Variants in C1orf74 observed in about 807,000 individuals in gnomAD.
The protein encoded by C1orf74 is UPF0739 protein C1orf74.
A neutral mutation model predicts 7.3 loss-of-function variants in C1orf74; 5 were observed. The ratio of observed to expected loss-of-function variants is 0.68; its 90% CI spans 0.36 to 1.44. The LOEUF (loss-of-function observed/expected upper bound fraction) is 1.44. C1orf74 is among the 40% of genes most tolerant of loss of function. The probability of loss-of-function intolerance (pLI) is 0.04; values close to 1 mark genes in which losing one functional copy is unlikely to be tolerated. For missense variants in C1orf74, 291 were observed against 314.3 expected (o/e 0.93, Z 0.56); for synonymous variants, 121 against 132.5 (o/e 0.91, Z 0.59).
In C1orf74 at chr1:209,779,480, G is replaced by A. The variant is rs1460135587; in HGVS notation, c.*3345C>T. ...CTCCTGGAGTCCCAGCCAGTTCTGG[G>A]AGTCTGTTAAGTCCGGGATGTGTGG... On this transcript the variant is annotated 3_prime_UTR_variant, in exon 2 of 2. Transcript: ENST00000294811. 1 of 974,832 alleles carries A rather than the reference G, an allele frequency of 1.0e-6. No individual in the cohort carries two copies. Among genetic ancestry groups the A allele is most frequent in the Admixed American group, 1.9e-5 (1 of 53,746 alleles). The allele number at this position is 974,832 out of a possible 1,614,324, so 60.4% of individuals were successfully genotyped here.
At position 209,780,744 on chromosome 1, in the gene C1orf74, CT is replaced by C. The variant is rs1017760598; in HGVS notation, c.*2080del. 1.5e-4 allele frequency: 119 copies of C among 798,852 alleles called. 1 individual carries two copies. In the East Asian group the frequency reaches 3.6e-3, roughly 24 times the overall value. 49.5% of individuals were successfully genotyped at this position (798,852 alleles called of 1,614,324 possible). ...ACATTCATTTGCCTACATAAAGTGT[CT>C]GTGCTTTTGGGCTGACTTGTCAATC... On this transcript the variant is annotated 3_prime_UTR_variant, in exon 2 of 2. Transcript: ENST00000294811.
Position 209,781,779 on chromosome 1 carries a change from G to T in C1orf74, c.*1046C>A. 2 of 501,116 alleles carry T rather than the reference G, an allele frequency of 4.0e-6. No homozygotes were observed. Among genetic ancestry groups the T allele is most frequent in the South Asian group, 5.1e-5 (2 of 39,040 alleles). The allele number at this position is 501,116 out of a possible 1,614,324, so 31.0% of individuals were successfully genotyped here. A position where few individuals can be genotyped will look rare whatever the true frequency, so the allele number is the denominator to read the frequency against. On this transcript the variant is annotated 3_prime_UTR_variant, in exon 2 of 2. Coordinates refer to ENST00000294811, the MANE Select transcript of C1orf74 (RefSeq NM_152485.4). ...AAAAGTACTGGGGAATACAAAGAAAGAATATAATTTTGCTGGGTTATTTTC... is the reference window on the plus strand; with the variant it reads ...AAAAGTACTGGGGAATACAAAGAAATAATATAATTTTGCTGGGTTATTTTC...
rs1383551921 is a variant in C1orf74, at chr1:209,782,976, G to C, written c.659C>G (p.Ser220Cys). 2.5e-6 allele frequency: 4 copies of C among 1,614,200 alleles called. No homozygotes were observed. The highest frequency in any genetic ancestry group is 3.4e-6 in the Non-Finnish European group (4 of 1,180,024). Residue 220 changes from serine to cysteine, a missense_variant, in exon 2 of 2, where the codon TCT becomes TGT. Coordinates refer to ENST00000294811, the MANE Select transcript of C1orf74 (RefSeq NM_152485.4). The part of the protein sequence containing the change: ...LLGQPPILLY[S>C]FSVPESLFPG... The stretch of plus-strand genomic sequence containing the variant: ...GAACAAACTCTCTGGGACACTAAAA[G>C]AATAGAGCAGGATTGGGGGTTGACC...
Position 209,781,243 on chromosome 1 carries a change from TA to T in C1orf74, c.*1581del. On this transcript the variant is annotated 3_prime_UTR_variant, in exon 2 of 2. Transcript: ENST00000294811. Reference sequence around the variant, plus strand: ...AATGGCTGGGAAGGGAAGATGGTGGTAAAAATTCCAAATGAGTGAAACTTAC... The same window carrying T: ...AATGGCTGGGAAGGGAAGATGGTGGTAAAATTCCAAATGAGTGAAACTTAC... 2.8e-6 allele frequency: 2 copies of T among 708,824 alleles called. No individual in the cohort carries two copies. The highest frequency in any genetic ancestry group is 4.9e-6 in the Non-Finnish European group (2 of 404,656). 43.9% of individuals were successfully genotyped at this position (708,824 alleles called of 1,614,324 possible).
At position 209,780,902 on chromosome 1, in the gene C1orf74, T is replaced by G. The variant is rs1034150339; in HGVS notation, c.*1923A>C. ...TCAATATGTCGTCCCACATTGAGTATCTTAAGTCTTTATATGTCTCTTAAA... is the reference window on the plus strand; with the variant it reads ...TCAATATGTCGTCCCACATTGAGTAGCTTAAGTCTTTATATGTCTCTTAAA... On this transcript the variant is annotated 3_prime_UTR_variant, in exon 2 of 2. Transcript: ENST00000294811. The G allele has an allele frequency of 4.9e-6, 1 of 204,910 alleles. No individual in the cohort carries two copies. Among genetic ancestry groups the G allele is most frequent in the African/African-American group, 2.3e-5 (1 of 43,064 alleles). The allele number at this position is 204,910 out of a possible 1,614,324, so 12.7% of individuals were successfully genotyped here.
chr1:209,783,340 G>A lies in C1orf74; in HGVS notation c.295C>T (p.His99Tyr). The A allele has an allele frequency of 1.9e-6, 3 of 1,614,196 alleles. No individual in the cohort carries two copies. Among genetic ancestry groups the A allele is most frequent in the Non-Finnish European group, 2.5e-6 (3 of 1,180,038 alleles). Residue 99 changes from histidine (H) to tyrosine (Y), a missense_variant, in exon 2 of 2, where the codon CAT becomes TAT. His to Tyr is a moderately conservative substitution (Grantham distance 83). Coordinates refer to ENST00000294811, the MANE Select transcript of C1orf74 (RefSeq NM_152485.4). ...GENSLIVSPE[H>Y]VCQHLEQVLL... Reference sequence around the variant, plus strand: ...ACCTGCTCCAAGTGCTGACATACATGCTCAGGACTGACAATCAGGCTGTTT... The same window carrying A: ...ACCTGCTCCAAGTGCTGACATACATACTCAGGACTGACAATCAGGCTGTTT...
In C1orf74 at chr1:209,783,756, A is replaced by T. The variant is rs113581859; in HGVS notation, c.-75-47T>A. On this transcript the variant is annotated intron_variant, in intron 1 of 1. Coordinates refer to ENST00000294811, the MANE Select transcript of C1orf74 (RefSeq NM_152485.4). ...GGAATTATTAACAGCCTTCCTGTTA[A>T]ATCGCGGTATCTTCCAAAGGTTATT... 1,504 of 796,348 alleles carry T rather than the reference A, an allele frequency of 1.9e-3. 18 individuals are homozygous for T. In the African/African-American group the frequency reaches 0.023, roughly 12 times the overall value. 49.3% of individuals were successfully genotyped at this position (796,348 alleles called of 1,614,324 possible). A position where few individuals can be genotyped will look rare whatever the true frequency, so the allele number is the denominator to read the frequency against.
In C1orf74 at chr1:209,782,711, T is replaced by G; in HGVS notation, c.*114A>C. 3 of 1,087,536 alleles carry G rather than the reference T, an allele frequency of 2.8e-6. No homozygotes were observed. The highest frequency in any genetic ancestry group is 4.0e-6 in the Non-Finnish European group (3 of 749,998). 67.4% of individuals were successfully genotyped at this position (1,087,536 alleles called of 1,614,324 possible). ...TTTGTGGCCAACTGATCTACAGCAT[T>G]GTGCCTTAGTGTATTCAAGACACTT... On this transcript the variant is annotated 3_prime_UTR_variant, in exon 2 of 2. Transcript: ENST00000294811.
chr1:209,782,927 G>A lies in C1orf74; in HGVS notation c.708C>T (p.Asn236=). 1.2e-6 allele frequency: 2 copies of A among 1,614,166 alleles called. No homozygotes were observed. The highest frequency in any genetic ancestry group is 1.7e-6 in the Non-Finnish European group (2 of 1,180,002). ...GGGTTCTGAGGTCCTTCTCCCAGGTGTTTAGAATGTCCCTCAGGCCTGGGA... is the reference window on the plus strand; with the variant it reads ...GGGTTCTGAGGTCCTTCTCCCAGGTATTTAGAATGTCCCTCAGGCCTGGGA... The part of the protein sequence containing the change: ...SLFPGLRDIL[N]TWEKDLRTRF... The change falls in exon 2 of 2, where the codon AAC becomes AAT. Residue 236 remains asparagine, a synonymous_variant. Transcript: ENST00000294811.
In C1orf74 at chr1:209,782,151, A is replaced by G; in HGVS notation, c.*674T>C. 6.2e-7 allele frequency: 1 copy of G among 1,612,144 alleles called. No homozygotes were observed. The highest frequency in any genetic ancestry group is 8.5e-7 in the Non-Finnish European group (1 of 1,178,132). On this transcript the variant is annotated 3_prime_UTR_variant, in exon 2 of 2. Coordinates refer to ENST00000294811, the MANE Select transcript of C1orf74 (RefSeq NM_152485.4). ...ATAAAGACAACCTGATGATCTGAAT[A>G]ATTTGTGACAACTGCCTTGGGTGAA...
chr1:209,780,252 C>A lies in C1orf74; in HGVS notation c.*2573G>T. ...GACTGGGGATACAAAGAAAAGATCC[C>A]AATCTTGCCCTCAAGGAGCTCAGAT... On this transcript the variant is annotated 3_prime_UTR_variant, in exon 2 of 2. Coordinates refer to ENST00000294811, the MANE Select transcript of C1orf74 (RefSeq NM_152485.4). 2.8e-6 allele frequency: 1 copy of A among 360,772 alleles called. No homozygotes were observed. Among genetic ancestry groups the A allele is most frequent in the East Asian group, 4.3e-5 (1 of 23,296 alleles). The allele number at this position is 360,772 out of a possible 1,614,324, so 22.3% of individuals were successfully genotyped here. A position where few individuals can be genotyped will look rare whatever the true frequency, so the allele number is the denominator to read the frequency against.
Position 209,781,585 on chromosome 1 carries a change from T to G in C1orf74, c.*1240A>C. The G allele has an allele frequency of 1.6e-6, 1 of 631,754 alleles. No homozygotes were observed. Among genetic ancestry groups the G allele is most frequent in the East Asian group, 2.9e-5 (1 of 34,738 alleles). 39.1% of individuals were successfully genotyped at this position (631,754 alleles called of 1,614,324 possible). A position where few individuals can be genotyped will look rare whatever the true frequency, so the allele number is the denominator to read the frequency against. On this transcript the variant is annotated 3_prime_UTR_variant, in exon 2 of 2. Coordinates refer to ENST00000294811, the MANE Select transcript of C1orf74 (RefSeq NM_152485.4). ...CCATCCTGTCCCACTGTGCTTGGTTTATACTATACTGACATTATGGCAACC... is the reference window on the plus strand; with the variant it reads ...CCATCCTGTCCCACTGTGCTTGGTTGATACTATACTGACATTATGGCAACC...
At position 209,782,455 on chromosome 1, in the gene C1orf74, A is replaced by G. The variant is rs2077801098; in HGVS notation, c.*370T>C. On this transcript the variant is annotated 3_prime_UTR_variant, in exon 2 of 2. Transcript: ENST00000294811. Reference sequence around the variant, plus strand: ...GAAAAGCCCCCAGCCCTACTTTCCTAGCATGCAGCACCCACATAGAGCAGG... The same window carrying G: ...GAAAAGCCCCCAGCCCTACTTTCCTGGCATGCAGCACCCACATAGAGCAGG... The G allele has an allele frequency of 2.2e-6, 1 of 462,704 alleles. No individual in the cohort carries two copies. The highest frequency in any genetic ancestry group is 3.9e-6 in the Non-Finnish European group (1 of 255,064). The allele number at this position is 462,704 out of a possible 1,614,324, so 28.7% of individuals were successfully genotyped here.
At chr1:209,784,097 C>G (rs1012986657) in intron 1 of C1orf74, among the ~76,000 whole-genome samples, 5 of 152,158 alleles carry the variant, frequency 3.3e-5, no homozygotes, top group Non-Finnish European at 7.3e-5. Flanking sequence ...CCACTGACAA[C>G]TCCCCTACTC....
chr1:209,780,485 T>C lies in C1orf74; in HGVS notation c.*2340A>G, dbSNP rs753919691. On this transcript the variant is annotated 3_prime_UTR_variant, in exon 2 of 2. Transcript: ENST00000294811. The stretch of plus-strand genomic sequence containing the variant: ...GCTTTTTTAGATCAGGCTTTGCCCG[T>C]GTGGAGTCCAAAGTCCTTCCCTAAC... 20 of 1,594,088 alleles carry C rather than the reference T, an allele frequency of 1.3e-5. No homozygotes were observed. In the African/African-American group the frequency reaches 1.9e-4, roughly 15 times the overall value.
rs2077780369 is a variant in C1orf74 at position 209,781,536 on chromosome 1, A to G, written c.*1289T>C. 1.8e-5 allele frequency: 19 copies of G among 1,065,326 alleles called. No individual in the cohort carries two copies. Among genetic ancestry groups the G allele is most frequent in the Non-Finnish European group, 2.6e-5 (18 of 691,918 alleles). The allele number at this position is 1,065,326 out of a possible 1,614,324, so 66.0% of individuals were successfully genotyped here. On this transcript the variant is annotated 3_prime_UTR_variant, in exon 2 of 2. Coordinates refer to ENST00000294811, the MANE Select transcript of C1orf74 (RefSeq NM_152485.4). Reference sequence around the variant, plus strand: ...TTTAACCAAGTTTTGCACATAAAATATATCAGCCCACGCCAACAACTGGCC... The same window carrying G: ...TTTAACCAAGTTTTGCACATAAAATGTATCAGCCCACGCCAACAACTGGCC...
Position 209,780,611 on chromosome 1 carries a change from G to T in C1orf74, c.*2214C>A. 1.3e-6 allele frequency: 2 copies of T among 1,580,120 alleles called. No individual in the cohort carries two copies. Among genetic ancestry groups the T allele is most frequent in the South Asian group, 2.3e-5 (2 of 87,428 alleles). On this transcript the variant is annotated 3_prime_UTR_variant, in exon 2 of 2. Coordinates refer to ENST00000294811, the MANE Select transcript of C1orf74 (RefSeq NM_152485.4). ...CTCCAGGCCAAGGAAAAGGAGGTGA[G>T]AGGGTGACCTGAGATAGTGAGGGCT...
In C1orf74 at chr1:209,782,177, A is replaced by T; in HGVS notation, c.*648T>A. 1 of 1,581,408 alleles carries T rather than the reference A, an allele frequency of 6.3e-7. No individual in the cohort carries two copies. The highest frequency in any genetic ancestry group is 1.1e-5 in the South Asian group (1 of 90,438). On this transcript the variant is annotated 3_prime_UTR_variant, in exon 2 of 2. Coordinates refer to ENST00000294811, the MANE Select transcript of C1orf74 (RefSeq NM_152485.4). The stretch of plus-strand genomic sequence containing the variant: ...ATTTGTGACAACTGCCTTGGGTGAA[A>T]ATCAGAAGCAAGCAACTCAGCGAAA...
rs1055358360 is a variant in C1orf74 at position 209,781,989 on chromosome 1, G to T, written c.*836C>A. 1.5e-6 allele frequency: 2 copies of T among 1,344,822 alleles called. No individual in the cohort carries two copies. Among genetic ancestry groups the T allele is most frequent in the Non-Finnish European group, 2.1e-6 (2 of 935,914 alleles). 83.3% of individuals were successfully genotyped at this position (1,344,822 alleles called of 1,614,324 possible). A position where few individuals can be genotyped will look rare whatever the true frequency, so the allele number is the denominator to read the frequency against. The stretch of plus-strand genomic sequence containing the variant: ...ACTGGGCTAGAGTAGGAAGAAGAAA[G>T]ATTTTTGCCTATATCTTTTCCAATC... On this transcript the variant is annotated 3_prime_UTR_variant, in exon 2 of 2. Transcript: ENST00000294811.
Sources: gnomAD v4.1 joint callset for allele counts (sites outside exome capture counted in the v4.1 genomes callset) on GRCh38, gnomAD v4.1.1 for gene constraint, MANE v1.5 for transcripts, NCBI Gene and HGNC (gene_info 2026-07-23, HGNC 2026-07-21) for gene names.